Variants in GAREM1 observed in about 807,000 individuals in gnomAD.
The protein encoded by GAREM1 is GRB2-associated and regulator of MAPK protein 1.
GAREM1 carries 26 observed loss-of-function variants against 71.3 expected under a neutral mutation model. That is an observed-to-expected ratio of 0.36 (90% CI 0.27 to 0.51). The LOEUF is 0.51. Among genes scored for constraint, GAREM1 ranks in the 20% least tolerant of loss-of-function variants. GAREM1 has a pLI of 0.95. For synonymous variants in GAREM1, 440 were observed against 433.2 expected (o/e 1.02, Z -0.20); for missense variants, 1,026 against 1,103.1 (o/e 0.93, Z 0.99).
intron 2 of GAREM1, among the ~76,000 whole-genome samples, chr18:32,347,939 T>C (rs2047712015): frequency 6.6e-6 from 1 of 152,160 alleles, no homozygotes; most frequent in Non-Finnish European, 1.5e-5. Flanking sequence ...AGTTCAAAAA[T>C]GGGAATGAAA....
chr18:32,327,325 A>C lies in GAREM1; in HGVS notation c.263-17002T>G, dbSNP rs372025786. Among the ~76,000 whole-genome samples, 7 of 152,352 alleles carry C rather than the reference A, an allele frequency of 4.6e-5. No homozygotes were observed. In the East Asian group the frequency reaches 1.3e-3, roughly 29 times the overall value. On this transcript the variant is annotated intron_variant, in intron 2 of 5. Transcript: ENST00000269209. Reference sequence around the variant, plus strand: ...AACAAATAAGAAACATAGTCATCAGATAATTAGTAGATGGATTCACTAATG... The same window carrying C: ...AACAAATAAGAAACATAGTCATCAGCTAATTAGTAGATGGATTCACTAATG...
chr18:32,341,206 C>T (rs1485904863), intron 2 of GAREM1, among the ~76,000 whole-genome samples: 1 of 152,158 alleles, frequency 6.6e-6, no homozygotes, highest in Non-Finnish European at 1.5e-5. Context: ...TCAATTCCCA[C>T]CTGTGAGTGA....
chr18:32,358,021 A>G (rs1290437002), intron 2 of GAREM1, among the ~76,000 whole-genome samples: 2 of 152,030 alleles, frequency 1.3e-5, no homozygotes, highest in African/African-American at 4.8e-5. Context: ...TTACTAACCA[A>G]ACAAGAAAAC....
At chr18:32,323,356 T>C (rs144340363) in intron 2 of GAREM1, among the ~76,000 whole-genome samples, 1 of 152,212 alleles carries the variant, frequency 6.6e-6, no homozygotes, top group South Asian at 2.1e-4. Context: ...CTACCTTCAT[T>C]TGAAGCCACG....
chr18:32,412,185 C>G, intron 1 of GAREM1: 1 of 1,545,792 alleles, frequency 6.5e-7, no homozygotes, highest in South Asian at 1.1e-5. Context: ...TTCTCTGGCT[C>G]TCCTCTCCTG....
intron 1 of GAREM1, among the ~76,000 whole-genome samples, chr18:32,421,987 CTTTTT>C (rs929056947): frequency 6.7e-6 from 1 of 149,152 alleles, no homozygotes; most frequent in Non-Finnish European, 1.5e-5. Flanking sequence ...CTTTCTCCTA[CTTTTT>C]TTTTTATACT....
rs554403888 is a variant in GAREM1 at position 32,383,821 on chromosome 18, T to G, written c.262+9074A>C. ...TGTTTTGTGCTACAATTTTTGTGGG[T>G]TTTTTTTTAATACTATACTTTCTGT... is the stretch of plus-strand genomic sequence containing the variant. On this transcript the variant is annotated intron_variant, in intron 2 of 5. Transcript: ENST00000269209. 1.2e-4 allele frequency among the ~76,000 whole-genome samples: 18 copies of G among 150,710 alleles called. No homozygotes were observed. In the East Asian group the frequency reaches 1.5e-3, roughly 13 times the overall value.
At chr18:32,291,864 G>C (rs1192141408) in intron 3 of GAREM1, among the ~76,000 whole-genome samples, 1 of 152,106 alleles carries the variant, frequency 6.6e-6, no homozygotes, top group Non-Finnish European at 1.5e-5. Flanking sequence ...GTATATATCT[G>C]CCACATTTTC....
intron 1 of GAREM1, among the ~76,000 whole-genome samples, chr18:32,438,332 C>T (rs1236069385): frequency 6.6e-6 from 1 of 152,230 alleles, no homozygotes; most frequent in Non-Finnish European, 1.5e-5. Context: ...CTTCCTTTCA[C>T]AGGTCGTGCT....
At chr18:32,439,781 A>G (rs1599049119) in intron 1 of GAREM1, among the ~76,000 whole-genome samples, 1 of 151,830 alleles carries the variant, frequency 6.6e-6, no homozygotes, top group South Asian at 2.1e-4. Context: ...ATTCCCAATC[A>G]CCCCCTCTAA....
intron 2 of GAREM1, among the ~76,000 whole-genome samples, chr18:32,363,326 T>C (rs568602618): frequency 1.3e-5 from 2 of 152,192 alleles, no homozygotes; most frequent in Non-Finnish European, 2.9e-5. Context: ...CATGGTTCCA[T>C]TCCTTTGCAA....
intron 3 of GAREM1, among the ~76,000 whole-genome samples, chr18:32,293,323 C>A (rs1312311663): frequency 2.0e-5 from 3 of 151,970 alleles, no homozygotes; most frequent in Non-Finnish European, 4.4e-5. Context: ...TTTTGTCATG[C>A]CAGAAAGTAA....
intron 1 of GAREM1, among the ~76,000 whole-genome samples, chr18:32,402,885 G>A (rs1035788166): frequency 8.7e-6 from 1 of 114,510 alleles, no homozygotes; most frequent in African/African-American, 3.9e-5. Context: ...CTCGTGGAGT[G>A]GACCTTTTGG....
intron 2 of GAREM1, among the ~76,000 whole-genome samples, chr18:32,368,886 C>T (rs1351076153): frequency 1.3e-5 from 2 of 152,048 alleles, no homozygotes; most frequent in Non-Finnish European, 2.9e-5. Flanking sequence ...ATGCCTAGCA[C>T]TTCAGTTTAA....
chr18:32,450,702 A>G (rs2048828013), intron 1 of GAREM1, among the ~76,000 whole-genome samples: 1 of 152,174 alleles, frequency 6.6e-6, no homozygotes, highest in African/African-American at 2.4e-5. Flanking sequence ...TCCAGCCTTT[A>G]GCACTTACTG....
At chr18:32,300,847 G>A (rs766273618) in intron 3 of GAREM1, among the ~76,000 whole-genome samples, 4 of 148,858 alleles carry the variant, frequency 2.7e-5, no homozygotes, top group Admixed American at 6.7e-5. Flanking sequence ...CAGAGGTTGC[G>A]GTGAGCTGAG....
intron 2 of GAREM1, among the ~76,000 whole-genome samples, chr18:32,378,057 T>TGTGTGTGTGTGTGTGTGTGCGC (rs1293817110): frequency 7.8e-5 from 10 of 127,624 alleles, no homozygotes; most frequent in African/African-American, 3.0e-4. Flanking sequence ...TGTGTGTGTG[T>TGTGTGTGTGTGTGTGTGTGCGC]GCGCGCGGGC....
intron 1 of GAREM1, among the ~76,000 whole-genome samples, chr18:32,399,092 C>G (rs2048286298): frequency 6.6e-6 from 1 of 152,278 alleles, no homozygotes; most frequent in South Asian, 2.1e-4. Flanking sequence ...TCAACAGATG[C>G]AGAAAAGGCC....
intron 1 of GAREM1, among the ~76,000 whole-genome samples, chr18:32,426,712 TTGTAACCTTCAG>T (rs1217854822): frequency 6.6e-6 from 1 of 152,114 alleles, no homozygotes; most frequent in Non-Finnish European, 1.5e-5. Context: ...TTGTCAACCT[TTGTAACCTTCAG>T]GAAGGTTACA....
Sources: allele counts gnomAD v4.1 joint callset (sites outside exome capture counted in the v4.1 genomes callset), GRCh38; gene constraint gnomAD v4.1.1; transcripts MANE v1.5; gene names NCBI Gene and HGNC (gene_info 2026-07-23, HGNC 2026-07-21).